NEGR1: variants seen among roughly 807,000 people sequenced by gnomAD.
The protein encoded by NEGR1 is IgLON family member 4.
A neutral mutation model predicts 40.9 loss-of-function variants in NEGR1; 10 were observed. That is an observed-to-expected ratio of 0.24 (90% CI 0.15 to 0.42). The LOEUF (loss-of-function observed/expected upper bound fraction) is 0.42, where lower values mean the gene tolerates loss of function less well. Among genes scored for constraint, NEGR1 ranks in the 10% least tolerant of loss-of-function variants. The pLI is 1.00. For synonymous variants in NEGR1, 185 were observed against 166.8 expected, an observed-to-expected ratio of 1.11 and a Z score of -0.84; for missense variants, 352 against 438.9, an observed-to-expected ratio of 0.80 and a Z score of 1.77.
chr1:72,104,977 G>T (rs888264483), intron 1 of NEGR1, among the ~76,000 whole-genome samples: 3 of 152,038 alleles, frequency 2.0e-5, no homozygotes, highest in Non-Finnish European at 4.4e-5. Flanking sequence ...TTTTTAAAAA[G>T]AAATGGAGCC....
intron 1 of NEGR1, among the ~76,000 whole-genome samples, chr1:72,077,672 G>A (rs979118867): frequency 1.3e-5 from 2 of 151,374 alleles, no homozygotes. Flanking sequence ...AAATAGGCCG[G>A]TGCAGTGGCG....
intron 5 of NEGR1, among the ~76,000 whole-genome samples, chr1:71,597,462 C>CTGTGTGTGTGTG (rs1191334873): frequency 5.0e-4 from 15 of 30,142 alleles, no homozygotes; most frequent in African/African-American, 9.4e-4. Flanking sequence ...CTCTCTCTCT[C>CTGTGTGTGTGTG]TCTCTCTCTC....
At chr1:71,474,030 G>A (rs1436547414) in intron 6 of NEGR1, among the ~76,000 whole-genome samples, 1 of 151,976 alleles carries the variant, frequency 6.6e-6, no homozygotes, top group Non-Finnish European at 1.5e-5. Flanking sequence ...ATAATGTGCA[G>A]AAGTGCTCTT....
chr1:71,473,028 T>C (rs541048015), intron 6 of NEGR1, among the ~76,000 whole-genome samples: 2 of 152,098 alleles, frequency 1.3e-5, no homozygotes, highest in Admixed American at 6.6e-5. Context: ...TGTATCTGAA[T>C]ATATGTGTAG....
At chr1:71,874,920 T>A (rs1040349231) in intron 2 of NEGR1, among the ~76,000 whole-genome samples, 1 of 152,082 alleles carries the variant, frequency 6.6e-6, no homozygotes, top group African/African-American at 2.4e-5. Context: ...CATGATTCAT[T>A]GCAGCTTCAA....
chr1:72,119,547 A>T (rs1203579065), intron 1 of NEGR1, among the ~76,000 whole-genome samples: 1 of 151,986 alleles, frequency 6.6e-6, no homozygotes, highest in Non-Finnish European at 1.5e-5. Context: ...AATACTGCAT[A>T]GGTTATCATA....
intron 6 of NEGR1, among the ~76,000 whole-genome samples, chr1:71,435,248 T>A (rs180691063): frequency 1.4e-4 from 21 of 152,288 alleles, no homozygotes; most frequent in African/African-American, 5.1e-4. Flanking sequence ...AAGAGAGTCA[T>A]ACCTTTAGTC....
At chr1:71,711,090 C>A (rs1189052191) in intron 3 of NEGR1, among the ~76,000 whole-genome samples, 2 of 151,628 alleles carry the variant, frequency 1.3e-5, no homozygotes, top group African/African-American at 2.4e-5. Flanking sequence ...AAAGAAGACA[C>A]CCAATGGGAG....
At chr1:71,880,608 C>T (rs1179063288) in intron 2 of NEGR1, among the ~76,000 whole-genome samples, 2 of 151,880 alleles carry the variant, frequency 1.3e-5, no homozygotes, top group Non-Finnish European at 2.9e-5. Flanking sequence ...GATAGAAAAC[C>T]TTGCAGTTTC....
At chr1:71,885,897 C>T (rs1470593920) in intron 2 of NEGR1, among the ~76,000 whole-genome samples, 1 of 151,972 alleles carries the variant, frequency 6.6e-6, no homozygotes, top group Non-Finnish European at 1.5e-5. Context: ...AATGTGTTTT[C>T]CCAAAAATAT....
intron 3 of NEGR1, among the ~76,000 whole-genome samples, chr1:71,763,359 C>T (rs1656013019): frequency 6.6e-6 from 1 of 152,066 alleles, no homozygotes; most frequent in Admixed American, 6.6e-5. Flanking sequence ...ACAGGGGACT[C>T]CTTGTGACTA....
chr1:71,921,634 T>A (rs533800447), intron 2 of NEGR1, among the ~76,000 whole-genome samples: 1 of 148,534 alleles, frequency 6.7e-6, no homozygotes, highest in African/African-American at 2.5e-5. Flanking sequence ...AGAATACATA[T>A]ATATTCTTAT....
chr1:72,256,149 T>C (rs1035906246), intron 1 of NEGR1, among the ~76,000 whole-genome samples: 2 of 152,222 alleles, frequency 1.3e-5, no homozygotes, highest in Non-Finnish European at 2.9e-5. Flanking sequence ...AATTAAGTCT[T>C]AGTAGCTTGC....
chr1:71,981,657 A>G (rs1411370691), intron 1 of NEGR1, among the ~76,000 whole-genome samples: 1 of 152,108 alleles, frequency 6.6e-6, no homozygotes, highest in Non-Finnish European at 1.5e-5. Context: ...GGTTTAGTGG[A>G]AGGCATAAGG....
chr1:71,561,033 A>T (rs982094614), intron 6 of NEGR1, among the ~76,000 whole-genome samples: 1 of 151,618 alleles, frequency 6.6e-6, no homozygotes, highest in Non-Finnish European at 1.5e-5. Context: ...AAAAGATTTC[A>T]TAATGTTGCA....
chr1:71,499,097 T>TAAATTCATTA (rs1301555836), intron 6 of NEGR1, among the ~76,000 whole-genome samples: 1 of 152,142 alleles, frequency 6.6e-6, no homozygotes, highest in Admixed American at 6.6e-5. Context: ...ATTTAAGTAA[T>TAAATTCATTA]GTTAGTTTTC....
At chr1:71,501,145 A>G (rs1291884853) in intron 6 of NEGR1, among the ~76,000 whole-genome samples, 3 of 152,110 alleles carry the variant, frequency 2.0e-5, no homozygotes, top group Non-Finnish European at 2.9e-5. Flanking sequence ...TTTACTGTAT[A>G]CACACATGTG....
At position 71,749,988 on chromosome 1, in the gene NEGR1, C is replaced by CTTTTTTTTTTTTTTTT. The variant is rs768011020; in HGVS notation, c.535+26168_535+26183dup. Among the ~76,000 whole-genome samples, 128 of 136,576 alleles carry CTTTTTTTTTTTTTTTT rather than the reference C, an allele frequency of 9.4e-4. 3 individuals are homozygous for CTTTTTTTTTTTTTTTT. The highest frequency in any genetic ancestry group is 2.2e-3 in the East Asian group (10 of 4,500). The allele number at this position is 136,576 out of a possible 152,430, so 89.6% of individuals were successfully genotyped here. On this transcript the variant is annotated intron_variant, in intron 3 of 6. Coordinates refer to ENST00000357731, the MANE Select transcript of NEGR1 (RefSeq NM_173808.3). Reference sequence around the variant, plus strand: ...TCCTGATGAAATGGTTTGCTCCTTTCTTTTTTTTTTTTTTTTGAGACGGAG... The same window carrying CTTTTTTTTTTTTTTTT: ...TCCTGATGAAATGGTTTGCTCCTTTCTTTTTTTTTTTTTTTTTTTTTTTTTTTTTTTTGAGACGGAG...
At chr1:72,044,215 G>C (rs1646980989) in intron 1 of NEGR1, among the ~76,000 whole-genome samples, 1 of 150,902 alleles carries the variant, frequency 6.6e-6, no homozygotes, top group African/African-American at 2.4e-5. Context: ...ATTAAGACTT[G>C]ATTACTGGTA....
Sources: allele counts gnomAD v4.1 joint callset (sites outside exome capture counted in the v4.1 genomes callset), GRCh38; gene constraint gnomAD v4.1.1; transcripts MANE v1.5; gene names NCBI Gene and HGNC (gene_info 2026-07-23, HGNC 2026-07-21).